The following THSD4 variants were observed in gnomAD, a reference collection of about 807,000 sequenced individuals.
THSD4 encodes thrombospondin type-1 domain-containing protein 4.
THSD4 carries 69 observed loss-of-function variants against 119.0 expected under a neutral mutation model. The ratio of observed to expected loss-of-function variants is 0.58; its 90% CI spans 0.48 to 0.71. The LOEUF (loss-of-function observed/expected upper bound fraction) is 0.71. THSD4 is among the 30% of genes least tolerant of loss of function. The pLI is 0.00. For synonymous variants in THSD4, 524 were observed against 540.4 expected (o/e 0.97, Z 0.42); for missense variants, 1,393 against 1,391.1 (o/e 1.00, Z -0.02).
intron 3 of THSD4, among the ~76,000 whole-genome samples, chr15:71,200,073 C>T (rs1019683100): frequency 1.3e-4 from 20 of 152,020 alleles, no homozygotes; most frequent in Non-Finnish European, 2.4e-4. Context: ...CTCCTTCAGT[C>T]GGGAGTATCA....
At chr15:71,541,001 G>A (rs902506163) in intron 7 of THSD4, among the ~76,000 whole-genome samples, 16 of 152,190 alleles carry the variant, frequency 1.1e-4, no homozygotes, top group Admixed American at 2.0e-4. Flanking sequence ...GCGATTACCA[G>A]CGTGAGCCAC....
intron 7 of THSD4, among the ~76,000 whole-genome samples, chr15:71,434,338 A>C (rs2046979511): frequency 6.6e-6 from 1 of 152,112 alleles, no homozygotes; most frequent in Non-Finnish European, 1.5e-5. Context: ...TCAGTGCAAA[A>C]GAGCAGAGCT....
intron 9 of THSD4, 156 bp downstream of exon 9, chr15:71,728,880 C>CAAGG: frequency 1.1e-6 from 1 of 940,966 alleles, no homozygotes; most frequent in Non-Finnish European, 1.6e-6. Context: ...GCTTGGCGTT[C>CAAGG]ATCTTTGCCT....
chr15:71,667,879 C>T (rs1462745364), intron 8 of THSD4, among the ~76,000 whole-genome samples: 1 of 152,154 alleles, frequency 6.6e-6, no homozygotes, highest in Non-Finnish European at 1.5e-5. Flanking sequence ...AACCACTGTT[C>T]ACAGTTCATT....
rs116286858 is a variant in THSD4 at position 71,659,397 on chromosome 15, A to G, written c.1153-1133A>G. Among the ~76,000 whole-genome samples, 1,145 of 152,278 alleles carry G rather than the reference A, an allele frequency of 7.5e-3. 16 individuals are homozygous for G. The highest frequency in any genetic ancestry group is 0.026 in the African/African-American group (1,084 of 41,546). On this transcript the variant is annotated intron_variant, in intron 7 of 17. Coordinates refer to ENST00000261862, the MANE Select transcript of THSD4 (RefSeq NM_024817.3). ...AGAAGTAGAAAAAGATTTTGTGAAGATCATTCCATTTTGTTCCAAAGTTTA... is the reference window on the plus strand; with the variant it reads ...AGAAGTAGAAAAAGATTTTGTGAAGGTCATTCCATTTTGTTCCAAAGTTTA...
At chr15:71,506,107 A>G (rs937637180) in intron 7 of THSD4, among the ~76,000 whole-genome samples, 3 of 152,192 alleles carry the variant, frequency 2.0e-5, no homozygotes, top group Non-Finnish European at 4.4e-5. Flanking sequence ...GTGTTCAGGC[A>G]TGGTGTCAGG....
chr15:71,125,424 A>G (rs1462706729), intron 1 of THSD4, among the ~76,000 whole-genome samples: 1 of 152,194 alleles, frequency 6.6e-6, no homozygotes, highest in Non-Finnish European at 1.5e-5. Context: ...AGTTCTGTAT[A>G]TTTGGTCAGA....
chr15:71,441,677 G>A (rs533710820), intron 7 of THSD4, among the ~76,000 whole-genome samples: 38 of 151,974 alleles, frequency 2.5e-4, no homozygotes, highest in African/African-American at 8.7e-4. Context: ...ACAGGCGTGA[G>A]CCACCATGTC....
At chr15:71,379,680 A>G (rs1005838566) in intron 6 of THSD4, among the ~76,000 whole-genome samples, 2 of 151,594 alleles carry the variant, frequency 1.3e-5, no homozygotes, top group Admixed American at 6.6e-5. Flanking sequence ...GGATGGTCTC[A>G]ATCTCCTGAC....
At chr15:71,680,702 C>G (rs2051755736) in intron 8 of THSD4, among the ~76,000 whole-genome samples, 1 of 152,216 alleles carries the variant, frequency 6.6e-6, no homozygotes, top group Admixed American at 6.5e-5. Flanking sequence ...GTTAAGAGTT[C>G]TACTCTCAGC....
At chr15:71,685,505 T>A (rs1341007582) in intron 8 of THSD4, among the ~76,000 whole-genome samples, 1 of 152,180 alleles carries the variant, frequency 6.6e-6, no homozygotes, top group Non-Finnish European at 1.5e-5. Context: ...AAAAACATTT[T>A]GAGAAGAGTG....
intron 14 of THSD4, among the ~76,000 whole-genome samples, chr15:71,753,566 A>G (rs2053486843): frequency 1.3e-5 from 2 of 152,224 alleles, no homozygotes; most frequent in Non-Finnish European, 1.5e-5. Context: ...TAGGAATTCC[A>G]TGTGTTTCTG....
intron 7 of THSD4, among the ~76,000 whole-genome samples, chr15:71,562,714 T>C (rs1348415279): frequency 6.9e-6 from 1 of 144,368 alleles, no homozygotes; most frequent in Non-Finnish European, 1.5e-5. Context: ...TTTTTTTTTC[T>C]TTTCTGAAAC....
intron 7 of THSD4, among the ~76,000 whole-genome samples, chr15:71,434,426 A>G (rs959007904): frequency 4.5e-5 from 6 of 133,606 alleles, no homozygotes; most frequent in African/African-American, 1.6e-4. Context: ...AAAAGAGGTC[A>G]GTGGTCCCTT....
intron 7 of THSD4, among the ~76,000 whole-genome samples, chr15:71,542,408 G>A (rs1199678946): frequency 6.6e-6 from 1 of 152,148 alleles, no homozygotes; most frequent in Admixed American, 6.5e-5. Flanking sequence ...TATCTTTACA[G>A]TGGAGAAACC....
chr15:71,460,306 T>G lies in THSD4; in HGVS notation c.1152+48483T>G, dbSNP rs11637232. Among the ~76,000 whole-genome samples, 4 of 79,768 alleles carry G rather than the reference T, an allele frequency of 5.0e-5. No homozygotes were observed. In the South Asian group the frequency reaches 1.7e-3, roughly 33 times the overall value. The allele number at this position is 79,768 out of a possible 152,430, so 52.3% of individuals were successfully genotyped here. On this transcript the variant is annotated intron_variant, in intron 7 of 17. Coordinates refer to ENST00000261862, the MANE Select transcript of THSD4 (RefSeq NM_024817.3). ...TGGAGAAGAAATACAAGTTGCCTGG[T>G]TTTTTTTTTTTTTTTTTTTTTGAAA...
intron 8 of THSD4, among the ~76,000 whole-genome samples, chr15:71,725,711 T>C (rs1171178173): frequency 6.6e-6 from 1 of 152,166 alleles, no homozygotes; most frequent in Non-Finnish European, 1.5e-5. Context: ...AATTTTAAAT[T>C]TCCTCAATGG....
chr15:71,498,449 A>T (rs1252194813), intron 7 of THSD4, among the ~76,000 whole-genome samples: 1 of 152,170 alleles, frequency 6.6e-6, no homozygotes, highest in African/African-American at 2.4e-5. Flanking sequence ...GTTGGGAAAC[A>T]GTGCTTTATT....
At chr15:71,557,311 C>T (rs1404023457) in intron 7 of THSD4, among the ~76,000 whole-genome samples, 1 of 152,148 alleles carries the variant, frequency 6.6e-6, no homozygotes, top group African/African-American at 2.4e-5. Flanking sequence ...ACTATCCTTG[C>T]ATTCCATGGA....
Sources: gnomAD v4.1 joint callset for allele counts (sites outside exome capture counted in the v4.1 genomes callset) on GRCh38, gnomAD v4.1.1 for gene constraint, MANE v1.5 for transcripts, NCBI Gene and HGNC (gene_info 2026-07-23, HGNC 2026-07-21) for gene names.